Variants in ZNF487 observed in about 807,000 individuals in gnomAD.
ZNF487 encodes zinc finger protein 487, also known as KRAB domain only 1.
Under a neutral mutation model 3.0 loss-of-function variants are expected in ZNF487, and 4 were observed. That is an observed-to-expected ratio of 1.35 (90% CI 0.66 to 3.08). The LOEUF (loss-of-function observed/expected upper bound fraction) is 3.08, where lower values mean the gene tolerates loss of function less well. ZNF487 is among the 30% of genes most tolerant of loss of function. The pLI is 0.01. For missense variants in ZNF487, 146 were observed against 98.7 expected, an observed-to-expected ratio of 1.48 and a Z score of -2.03; for synonymous variants, 55 against 34.6, an observed-to-expected ratio of 1.59 and a Z score of -2.06.
At chr10:43,466,394 T>TTTTC (rs771269448) in intron 1 of ZNF487, among the ~76,000 whole-genome samples, 1 of 151,160 alleles carries the variant, frequency 6.6e-6, no homozygotes, top group East Asian at 1.9e-4. Flanking sequence ...TCTTTTCTTT[T>TTTTC]TTTCTTTCTT....
At chr10:43,459,064 C>G (rs1840323655) in intron 1 of ZNF487, among the ~76,000 whole-genome samples, 1 of 152,110 alleles carries the variant, frequency 6.6e-6, no homozygotes, top group African/African-American at 2.4e-5. Flanking sequence ...ATTGAGCATT[C>G]TGTCCAGTTG....
chr10:43,500,279 G>A, the ZNF487 span, among the ~76,000 whole-genome samples: 4 of 152,038 alleles, frequency 2.6e-5, no homozygotes, highest in Non-Finnish European at 5.9e-5. Flanking sequence ...CAAAGTGCTA[G>A]GATTACAGGC....
intron 1 of ZNF487, chr10:43,454,626 T>C (rs1274950341): frequency 6.6e-6 from 1 of 152,236 alleles, no homozygotes; most frequent in Non-Finnish European, 1.5e-5. Flanking sequence ...GGAAAATCAA[T>C]AGCTCTGGAA....
chr10:43,502,724 TCTC>T, the ZNF487 span, among the ~76,000 whole-genome samples: 1 of 152,052 alleles, frequency 6.6e-6, no homozygotes, highest in Non-Finnish European at 1.5e-5. Context: ...AGAGTGTACA[TCTC>T]CTACTTATTT....
At chr10:43,493,709 A>AAAAAAAAATATATATAT in the ZNF487 span, among the ~76,000 whole-genome samples, 1 of 43,704 alleles carries the variant, frequency 2.3e-5, no homozygotes, top group Admixed American at 4.4e-4. Context: ...AAAAAAAAAA[A>AAAAAAAAATATATATAT]ATATATATAT....
chr10:43,480,009 T>G (rs1841275352), intron 3 of ZNF487, among the ~76,000 whole-genome samples: 1 of 73,486 alleles, frequency 1.4e-5, no homozygotes, highest in African/African-American at 3.3e-5. Flanking sequence ...CTTTCTTTCT[T>G]TCTTTCTTTC....
chr10:43,504,976 G>GCC, the ZNF487 span, among the ~76,000 whole-genome samples: 17 of 152,204 alleles, frequency 1.1e-4, no homozygotes, highest in African/African-American at 4.1e-4. Flanking sequence ...AAAGTGTTGG[G>GCC]ATTACAGGCG....
chr10:43,512,846 A>C, the ZNF487 span, among the ~76,000 whole-genome samples: 1 of 135,400 alleles, frequency 7.4e-6, no homozygotes, highest in East Asian at 2.4e-4. Flanking sequence ...TCCAAAATCC[A>C]AATAGGCCTA....
chr10:43,491,264 T>C, the ZNF487 span, among the ~76,000 whole-genome samples: 1 of 151,794 alleles, frequency 6.6e-6, no homozygotes, highest in African/African-American at 2.4e-5. Flanking sequence ...CTCTACTTCG[T>C]TTTTTATTCA....
the ZNF487 span, among the ~76,000 whole-genome samples, chr10:43,491,560 C>A: frequency 3.3e-5 from 5 of 151,614 alleles, no homozygotes; most frequent in Non-Finnish European, 7.3e-5. Flanking sequence ...CCTGCCTGCC[C>A]GTTCCACAGA....
chr10:43,455,159 C>G (rs1840137322), intron 1 of ZNF487, among the ~76,000 whole-genome samples: 1 of 151,842 alleles, frequency 6.6e-6, no homozygotes, highest in Admixed American at 6.6e-5. Flanking sequence ...TAGGCGCCCG[C>G]CACCACGCCC....
the ZNF487 span, among the ~76,000 whole-genome samples, chr10:43,508,679 A>AACAAAC: frequency 2.6e-5 from 4 of 151,870 alleles, no homozygotes; most frequent in Non-Finnish European, 5.9e-5. Context: ...CAAAAACAAA[A>AACAAAC]ACAAACAAAC....
rs986044392 is a variant in ZNF487 at position 43,482,287 on chromosome 10, G to A, written c.*365G>A. 2.3e-5 allele frequency: 9 copies of A among 393,418 alleles called. No homozygotes were observed. Among genetic ancestry groups the A allele is most frequent in the Non-Finnish European group, 4.4e-5 (9 of 203,642 alleles). The allele number at this position is 393,418 out of a possible 1,614,324, so 24.4% of individuals were successfully genotyped here. The stretch of plus-strand genomic sequence containing the variant: ...CTAGTACATTTTGCTGTAAGCCAAA[G>A]CATTCTGTATATCAGAAAACAGATA... On this transcript the variant is annotated 3_prime_UTR_variant, in exon 4 of 4. Coordinates refer to ENST00000437590, the MANE Select transcript of ZNF487 (RefSeq NM_001355444.3).
intron 1 of ZNF487, among the ~76,000 whole-genome samples, chr10:43,459,823 A>G (rs1388097814): frequency 1.4e-5 from 2 of 143,682 alleles, no homozygotes; most frequent in African/African-American, 5.1e-5. Context: ...ATTTTCTGAG[A>G]TGGAGTCTCG....
At position 43,463,487 on chromosome 10, in the gene ZNF487, G is replaced by A. The variant is rs548764265; in HGVS notation, c.-93-12234G>A. On this transcript the variant is annotated intron_variant, in intron 1 of 3. Transcript: ENST00000437590. Reference sequence around the variant, plus strand: ...CGGGAGGCTAAGGTTGCAGTGAGCCGAGATCATGCCACTGCATTGCAGTCT... The same window carrying A: ...CGGGAGGCTAAGGTTGCAGTGAGCCAAGATCATGCCACTGCATTGCAGTCT... Among the ~76,000 whole-genome samples, 502 of 151,860 alleles carry A rather than the reference G, an allele frequency of 3.3e-3. 4 individuals carry two copies. Among genetic ancestry groups the A allele is most frequent in the Non-Finnish European group, 5.7e-3 (390 of 67,980 alleles).
chr10:43,508,616 C>T, the ZNF487 span, among the ~76,000 whole-genome samples: 7 of 151,900 alleles, frequency 4.6e-5, no homozygotes, highest in Non-Finnish European at 8.8e-5. Context: ...TGAGACCAGC[C>T]TGGCCAACAT....
At chr10:43,463,945 C>T (rs1474721414) in intron 1 of ZNF487, among the ~76,000 whole-genome samples, 1 of 151,986 alleles carries the variant, frequency 6.6e-6, no homozygotes, top group Non-Finnish European at 1.5e-5. Flanking sequence ...TCTCCCTTTC[C>T]TCTGGCCTCC....
chr10:43,507,868 C>T, the ZNF487 span, among the ~76,000 whole-genome samples: 1 of 152,170 alleles, frequency 6.6e-6, no homozygotes. Context: ...GGGACAGTGA[C>T]TGAAATGGAA....
At chr10:43,512,374 T>C in the ZNF487 span, among the ~76,000 whole-genome samples, 2 of 152,232 alleles carry the variant, frequency 1.3e-5, no homozygotes, top group South Asian at 2.1e-4. Flanking sequence ...CCACTTCCGT[T>C]TGATGATGGA....
Sources: allele counts gnomAD v4.1 joint callset (sites outside exome capture counted in the v4.1 genomes callset), GRCh38; gene constraint gnomAD v4.1.1; transcripts MANE v1.5; gene names NCBI Gene and HGNC (gene_info 2026-07-23, HGNC 2026-07-21).